BMP5: variants seen among roughly 807,000 people sequenced by gnomAD.
BMP5 encodes the protein bone morphogenetic protein 5.
In BMP5, 23 loss-of-function variants were observed where a neutral mutation model predicts 46.6. The observed-to-expected ratio is 0.49, with a 90% CI of 0.35 to 0.70. BMP5 has a LOEUF of 0.70. BMP5 is among the 30% of genes least tolerant of loss of function. The pLI, the probability that BMP5 is intolerant of heterozygous loss-of-function variation, is 0.00. For synonymous variants in BMP5, 204 were observed against 191.9 expected (o/e 1.06, Z -0.52); for missense variants, 545 against 565.6 (o/e 0.96, Z 0.37).
intron 4 of BMP5, among the ~76,000 whole-genome samples, chr6:55,763,690 G>T (rs1774839739): frequency 6.6e-6 from 1 of 152,064 alleles, no homozygotes; most frequent in Non-Finnish European, 1.5e-5. Flanking sequence ...TTATTAAAAT[G>T]TTCTACAATC....
At chr6:55,768,975 A>G (rs1774982405) in intron 4 of BMP5, among the ~76,000 whole-genome samples, 1 of 151,924 alleles carries the variant, frequency 6.6e-6, no homozygotes, top group African/African-American at 2.4e-5. Context: ...AAATGTACAT[A>G]CCTTAGTTAA....
At chr6:55,838,921 T>C (rs537799636) in intron 1 of BMP5, among the ~76,000 whole-genome samples, 1 of 152,308 alleles carries the variant, frequency 6.6e-6, no homozygotes, top group East Asian at 1.9e-4. Context: ...TCTTGAGACA[T>C]AGTGAAATGC....
chr6:55,764,497 C>T (rs1390923971), intron 4 of BMP5, among the ~76,000 whole-genome samples: 1 of 149,634 alleles, frequency 6.7e-6, no homozygotes, highest in Non-Finnish European at 1.5e-5. Context: ...GGCGTGAACC[C>T]GGGAGGCGGA....
At chr6:55,838,187 C>A (rs906462820) in intron 1 of BMP5, among the ~76,000 whole-genome samples, 2 of 152,138 alleles carry the variant, frequency 1.3e-5, no homozygotes, top group Non-Finnish European at 2.9e-5. Flanking sequence ...CATTGGATAG[C>A]TCAATTTGCA....
chr6:55,834,403 T>A (rs1173449503), intron 1 of BMP5, among the ~76,000 whole-genome samples: 3 of 152,130 alleles, frequency 2.0e-5, no homozygotes, highest in African/African-American at 7.2e-5. Context: ...TAAGCAAAAC[T>A]AGATATTCAT....
chr6:55,810,628 C>A (rs1322349478), intron 2 of BMP5, among the ~76,000 whole-genome samples: 1 of 152,188 alleles, frequency 6.6e-6, no homozygotes, highest in Non-Finnish European at 1.5e-5. Context: ...GCTCTTTCAT[C>A]TTATGAGTCT....
chr6:55,868,760 C>G (rs531952127), intron 1 of BMP5, among the ~76,000 whole-genome samples: 10 of 152,262 alleles, frequency 6.6e-5, no homozygotes, highest in African/African-American at 2.4e-4. Flanking sequence ...TTATTTTTAT[C>G]TTACTGTCAG....
intron 1 of BMP5, among the ~76,000 whole-genome samples, chr6:55,832,520 C>T: frequency 6.6e-6 from 1 of 152,144 alleles, no homozygotes; most frequent in East Asian, 1.9e-4. Context: ...AAATATCTAG[C>T]TTTGTGCTTC....
intron 1 of BMP5, among the ~76,000 whole-genome samples, chr6:55,833,386 A>G (rs1230138422): frequency 6.6e-6 from 1 of 152,182 alleles, no homozygotes; most frequent in African/African-American, 2.4e-5. Context: ...CAACATCACT[A>G]ACCAGCCTAT....
At chr6:55,813,809 T>G (rs1170824677) in intron 2 of BMP5, among the ~76,000 whole-genome samples, 1 of 151,488 alleles carries the variant, frequency 6.6e-6, no homozygotes. Context: ...AAAGGTAATA[T>G]GTGTTTTCTC....
intron 1 of BMP5, among the ~76,000 whole-genome samples, chr6:55,842,834 T>C (rs951133391): frequency 2.0e-5 from 3 of 152,118 alleles, no homozygotes; most frequent in Admixed American, 6.6e-5. Flanking sequence ...AAGGTATAAG[T>C]CTAAAATTAA....
Position 55,794,284 on chromosome 6 carries a change from CCT to C in BMP5, c.825_826del (p.Asp277TrpfsTer32). On this transcript the variant is annotated frameshift_variant, in exon 3 of 7. Transcript: ENST00000370830. LOFTEE classifies it high-confidence loss of function. Reference sequence around the variant, plus strand: ...ATATAAAATTCAGTGCTTACCATCCCCTGTTTCTGCACAGAGCTGTAAGCCCA... The same window carrying C: ...ATATAAAATTCAGTGCTTACCATCCCGTTTCTGCACAGAGCTGTAAGCCCA... 1 of 1,613,910 alleles carries C rather than the reference CCT, an allele frequency of 6.2e-7. No homozygotes were observed. The highest frequency in any genetic ancestry group is 8.5e-7 in the Non-Finnish European group (1 of 1,179,874).
intron 3 of BMP5, among the ~76,000 whole-genome samples, chr6:55,778,923 AT>A (rs1775242473): frequency 1.3e-5 from 2 of 152,086 alleles, no homozygotes; most frequent in South Asian, 2.1e-4. Flanking sequence ...TTGTGGTCAC[AT>A]TTGCCTAAGA....
At chr6:55,803,587 T>C (rs1775908677) in intron 2 of BMP5, among the ~76,000 whole-genome samples, 1 of 152,182 alleles carries the variant, frequency 6.6e-6, no homozygotes, top group Non-Finnish European at 1.5e-5. Flanking sequence ...CTCGCATACA[T>C]TGTCACTGAT....
chr6:55,805,334 T>C (rs1318885761), intron 2 of BMP5, among the ~76,000 whole-genome samples: 4 of 152,158 alleles, frequency 2.6e-5, no homozygotes, highest in Non-Finnish European at 2.9e-5. Context: ...GCTGCACCTA[T>C]CAACCCGTCA....
chr6:55,857,115 C>T (rs2127552169), intron 1 of BMP5, among the ~76,000 whole-genome samples: 1 of 152,252 alleles, frequency 6.6e-6, no homozygotes, highest in African/African-American at 2.4e-5. Flanking sequence ...AAATTTTGAA[C>T]ACTGTTTTCT....
intron 1 of BMP5, among the ~76,000 whole-genome samples, chr6:55,848,628 T>C (rs1777152708): frequency 2.0e-5 from 3 of 151,960 alleles, no homozygotes; most frequent in Admixed American, 6.6e-5. Context: ...GTTGGGAGTT[T>C]ATGCTGTGGT....
intron 1 of BMP5, among the ~76,000 whole-genome samples, chr6:55,822,533 A>G (rs1246970639): frequency 6.6e-6 from 1 of 152,136 alleles, no homozygotes; most frequent in African/African-American, 2.4e-5. Context: ...TCATAATTCT[A>G]AGTGATAACA....
chr6:55,803,982 A>G (rs1004997276), intron 2 of BMP5, among the ~76,000 whole-genome samples: 2 of 151,898 alleles, frequency 1.3e-5, no homozygotes, highest in African/African-American at 4.8e-5. Flanking sequence ...GCCTTACAAG[A>G]ACTATTTAAC....
Sources: allele counts gnomAD v4.1 joint callset (sites outside exome capture counted in the v4.1 genomes callset), GRCh38; gene constraint gnomAD v4.1.1; transcripts MANE v1.5; gene names NCBI Gene and HGNC (gene_info 2026-07-23, HGNC 2026-07-21).